The following PDE4D variants were observed in gnomAD, a reference collection of about 807,000 sequenced individuals.
PDE4D encodes phosphodiesterase 4D.
PDE4D carries 24 observed loss-of-function variants against 87.4 expected under a neutral mutation model. The observed-to-expected ratio is 0.27, with a 90% CI of 0.20 to 0.39. The LOEUF is 0.39. Among genes scored for constraint, PDE4D ranks in the 10% least tolerant of loss-of-function variants. The pLI is 1.00. For synonymous variants in PDE4D, 384 were observed against 383.2 expected, an observed-to-expected ratio of 1.00 and a Z score of -0.02; for missense variants, 714 against 1,041.0, an observed-to-expected ratio of 0.69 and a Z score of 4.32.
At chr5:59,836,857 G>A (rs77701791) in intron 1 of PDE4D, among the ~76,000 whole-genome samples, 1 of 151,916 alleles carries the variant, frequency 6.6e-6, no homozygotes, top group Non-Finnish European at 1.5e-5. Context: ...ATCCACACTG[G>A]ATAGCTCCAT....
At chr5:60,055,801 A>G (rs1247678918) in intron 2 of PDE4D, among the ~76,000 whole-genome samples, 3 of 152,126 alleles carry the variant, frequency 2.0e-5, no homozygotes, top group Non-Finnish European at 4.4e-5. Context: ...AACCACTACC[A>G]TATCCACTCT....
Position 59,102,160 on chromosome 5 carries a change from T to C in PDE4D, c.809-63189A>G, listed in dbSNP as rs191208472. Among the ~76,000 whole-genome samples the C allele has an allele frequency of 1.1e-3, 163 of 150,394 alleles. 2 individuals carry two copies. The highest frequency in any genetic ancestry group is 9.8e-4 in the East Asian group (5 of 5,106). ...GGAGTGCAATGGTATGATCTCGGCT[T>C]ACCACAACCTCCGCCTCTTGGGTTC... On this transcript the variant is annotated intron_variant, in intron 5 of 14. Coordinates refer to ENST00000340635, the MANE Select transcript of PDE4D (RefSeq NM_001104631.2).
intron 1 of PDE4D, among the ~76,000 whole-genome samples, chr5:59,822,076 T>A (rs960955195): frequency 1.3e-5 from 2 of 152,216 alleles, no homozygotes; most frequent in Non-Finnish European, 2.9e-5. Flanking sequence ...TGTGTGTGCA[T>A]GTGTTTTGGA....
chr5:59,219,124 G>A (rs1751907574), intron 1 of PDE4D, among the ~76,000 whole-genome samples: 1 of 150,318 alleles, frequency 6.7e-6, no homozygotes, highest in Non-Finnish European at 1.5e-5. Flanking sequence ...CAGTGCACCA[G>A]CATGGCACAT....
At chr5:60,443,035 A>C (rs1249302168) in intron 1 of PDE4D, among the ~76,000 whole-genome samples, 1 of 152,130 alleles carries the variant, frequency 6.6e-6, no homozygotes, top group Admixed American at 6.5e-5. Context: ...ACCACGGAAG[A>C]AACAGAAAAT....
intron 1 of PDE4D, among the ~76,000 whole-genome samples, chr5:60,392,098 T>G (rs1284654547): frequency 1.3e-5 from 2 of 152,174 alleles, no homozygotes; most frequent in Non-Finnish European, 2.9e-5. Flanking sequence ...AAATGAATTG[T>G]GGAGAAATCT....
At chr5:59,909,561 T>G (rs1753215565) in intron 3 of PDE4D, among the ~76,000 whole-genome samples, 1 of 152,068 alleles carries the variant, frequency 6.6e-6, no homozygotes, top group Admixed American at 6.6e-5. Context: ...CTTTTGTATT[T>G]TTTTGTAGAC....
At position 59,640,800 on chromosome 5, in the gene PDE4D, A is replaced by G. The variant is rs144391600; in HGVS notation, c.455+252368T>C. On this transcript the variant is annotated intron_variant, in intron 1 of 14. Coordinates refer to ENST00000340635, the MANE Select transcript of PDE4D (RefSeq NM_001104631.2). ...TCACCTCTTGCACAGAAAACAAACA[A>G]CAACAACAACAAACAAAAAGCTATT... 6.6e-3 allele frequency among the ~76,000 whole-genome samples: 1,007 copies of G among 152,308 alleles called. 16 individuals carry two copies. Among genetic ancestry groups the G allele is most frequent in the African/African-American group, 0.023 (967 of 41,562 alleles).
At chr5:60,385,914 C>G (rs1418987940) in intron 1 of PDE4D, among the ~76,000 whole-genome samples, 1 of 152,180 alleles carries the variant, frequency 6.6e-6, no homozygotes, top group Non-Finnish European at 1.5e-5. Context: ...ACCTGTGCCA[C>G]TGCCCTGCCT....
At chr5:59,276,072 T>C in intron 1 of PDE4D, 1 of 978,694 alleles carries the variant, frequency 1.0e-6, no homozygotes, top group Non-Finnish European at 1.2e-6. Context: ...TCAAGGGCTG[T>C]ATGACGTCTG....
intron 1 of PDE4D, chr5:59,528,954 G>A (rs750401588): frequency 2.3e-6 from 1 of 438,594 alleles, no homozygotes. Flanking sequence ...AAGGCTGGCA[G>A]ATGCAAGCTG....
intron 1 of PDE4D, among the ~76,000 whole-genome samples, chr5:59,406,328 T>C (rs1464658154): frequency 6.6e-6 from 1 of 150,860 alleles, no homozygotes; most frequent in Non-Finnish European, 1.5e-5. Flanking sequence ...CCTAGTAGCA[T>C]CTAATGATCC....
At position 60,237,627 on chromosome 5, in the gene PDE4D, G is replaced by A. The variant is rs985622050; in HGVS notation, c.-89-51940C>T. On this transcript the variant is annotated intron_variant, in intron 1 of 16. Transcript: ENST00000502484. The stretch of plus-strand genomic sequence containing the variant: ...AGGGATTAGATATGGTGGCAAAGGA[G>A]TGTGGCTGTGACTATAAAAGCATAG... Among the ~76,000 whole-genome samples, 3 of 152,170 alleles carry A rather than the reference G, an allele frequency of 2.0e-5. No individual in the cohort carries two copies. In the South Asian group the frequency reaches 6.2e-4, roughly 32 times the overall value.
At chr5:59,975,684 A>C (rs1761249075) in intron 3 of PDE4D, among the ~76,000 whole-genome samples, 1 of 152,230 alleles carries the variant, frequency 6.6e-6, no homozygotes, top group African/African-American at 2.4e-5. Context: ...AATATTACAA[A>C]ACCTCACATA....
intron 1 of PDE4D, among the ~76,000 whole-genome samples, chr5:59,568,353 T>G (rs562173718): frequency 2.0e-5 from 3 of 152,164 alleles, no homozygotes; most frequent in African/African-American, 7.2e-5. Context: ...GCTGAATAAT[T>G]AAATGAGGGA....
chr5:60,046,999 G>A (rs978140596), intron 2 of PDE4D, among the ~76,000 whole-genome samples: 194 of 152,240 alleles, frequency 1.3e-3, no homozygotes, highest in African/African-American at 4.4e-3. Flanking sequence ...TCTGGTCCTG[G>A]ACTCTTTTTG....
intron 1 of PDE4D, among the ~76,000 whole-genome samples, chr5:60,370,600 G>A (rs1182907783): frequency 6.6e-6 from 1 of 152,150 alleles, no homozygotes; most frequent in African/African-American, 2.4e-5. Context: ...CTAAAAGCTG[G>A]TCAGCCACGC....
chr5:59,299,848 G>A (rs190784295), intron 1 of PDE4D, among the ~76,000 whole-genome samples: 14 of 152,256 alleles, frequency 9.2e-5, no homozygotes, highest in South Asian at 4.1e-4. Flanking sequence ...AGTGGCTCAC[G>A]CCTTTAATCC....
chr5:59,965,422 A>T (rs911791852), intron 3 of PDE4D, among the ~76,000 whole-genome samples: 2 of 151,908 alleles, frequency 1.3e-5, no homozygotes, highest in Non-Finnish European at 2.9e-5. Flanking sequence ...TTACCCTAAA[A>T]CTCTAACCTC....
Sources: gnomAD v4.1 joint callset for allele counts (sites outside exome capture counted in the v4.1 genomes callset) on GRCh38, gnomAD v4.1.1 for gene constraint, MANE v1.5 for transcripts, NCBI Gene and HGNC (gene_info 2026-07-23, HGNC 2026-07-21) for gene names.